The following AP3B1 variants were observed in gnomAD, a reference collection of about 807,000 sequenced individuals.
AP3B1 encodes AP-3 complex subunit beta-1.
A neutral mutation model predicts 132.5 loss-of-function variants in AP3B1; 61 were observed. That is an observed-to-expected ratio of 0.46 (90% CI 0.37 to 0.57). AP3B1 has a LOEUF of 0.57. AP3B1 is among the 20% of genes least tolerant of loss of function. The probability of loss-of-function intolerance (pLI) is 0.00; values close to 1 mark genes in which losing one functional copy is unlikely to be tolerated. For synonymous variants in AP3B1, 388 were observed against 438.3 expected (o/e 0.89, Z 1.43); for missense variants, 1,120 against 1,289.4 (o/e 0.87, Z 2.01).
chr5:78,281,727 T>C (rs1197224409), intron 1 of AP3B1, among the ~76,000 whole-genome samples: 1 of 152,088 alleles, frequency 6.6e-6, no homozygotes, highest in Admixed American at 6.5e-5. Context: ...TGTGTGTATG[T>C]AGGAATAGGA....
At chr5:78,001,576 C>T (rs977829270), downstream of AP3B1, 3 of 152,208 alleles carry the variant, frequency 2.0e-5, no homozygotes, top group Non-Finnish European at 4.4e-5. Flanking sequence ...TTTGTTTACT[C>T]TTGTCATCCC....
At chr5:78,000,683 T>G (rs1746181864), downstream of AP3B1, 1 of 152,172 alleles carries the variant, frequency 6.6e-6, no homozygotes, top group South Asian at 2.1e-4. Context: ...TCAAGATTGG[T>G]GTACATAAAA....
intron 3 of AP3B1, among the ~76,000 whole-genome samples, chr5:78,234,666 G>A (rs1746796106): frequency 6.6e-6 from 1 of 152,176 alleles, no homozygotes; most frequent in African/African-American, 2.4e-5. Context: ...GTGAACTTGA[G>A]GCTATTTAGT....
chr5:78,280,683 A>C lies in AP3B1; in HGVS notation c.129-13088T>G, dbSNP rs559935102. 2.4e-4 allele frequency among the ~76,000 whole-genome samples: 37 copies of C among 152,032 alleles called. No individual in the cohort carries two copies. The East Asian group carries it at 2.9e-3, about 12-fold the overall frequency. On this transcript the variant is annotated intron_variant, in intron 1 of 26. Coordinates refer to ENST00000255194, the MANE Select transcript of AP3B1 (RefSeq NM_003664.5). Reference sequence around the variant, plus strand: ...AGATTAATTTTTAAATTCTTTAAAAAAACAACAACAACAACAACTTTCCAA... The same window carrying C: ...AGATTAATTTTTAAATTCTTTAAAACAACAACAACAACAACAACTTTCCAA...
intron 3 of AP3B1, among the ~76,000 whole-genome samples, chr5:78,232,863 C>T (rs150410976): frequency 0.012 from 1,767 of 152,178 alleles, 38 homozygotes; most frequent in African/African-American, 0.04. Flanking sequence ...CACACCACCA[C>T]GCCCAGCTAA....
At chr5:78,216,458 G>A (rs996824700) in intron 6 of AP3B1, among the ~76,000 whole-genome samples, 9 of 152,108 alleles carry the variant, frequency 5.9e-5, no homozygotes, top group South Asian at 2.1e-4. Context: ...CTATTCTGAA[G>A]AGAAGTAAAT....
intron 2 of AP3B1, among the ~76,000 whole-genome samples, chr5:78,257,644 A>G (rs1747904396): frequency 6.6e-6 from 1 of 152,216 alleles, no homozygotes; most frequent in African/African-American, 2.4e-5. Flanking sequence ...TACCAAAGAC[A>G]TTCTTCATAG....
At chr5:78,228,778 A>G (rs1006467224) in intron 3 of AP3B1, among the ~76,000 whole-genome samples, 1 of 152,222 alleles carries the variant, frequency 6.6e-6, no homozygotes, top group Non-Finnish European at 1.5e-5. Flanking sequence ...AAGAGTCCAG[A>G]GCCCTAACTC....
intron 2 of AP3B1, among the ~76,000 whole-genome samples, chr5:78,241,290 C>T (rs1248625788): frequency 1.3e-5 from 2 of 152,024 alleles, no homozygotes; most frequent in South Asian, 4.2e-4. Context: ...CTTCGACCTC[C>T]CAGGTTTAAG....
At chr5:78,215,004 GCTAATACTAAATCAA>G (rs1745898425) in intron 7 of AP3B1, among the ~76,000 whole-genome samples, 1 of 151,946 alleles carries the variant, frequency 6.6e-6, no homozygotes, top group African/African-American at 2.4e-5. Flanking sequence ...AGTTTTTAAT[GCTAATACTAAATCAA>G]TATAGAAAAT....
chr5:78,203,377 G>C (rs772636103), intron 7 of AP3B1, among the ~76,000 whole-genome samples: 3 of 152,106 alleles, frequency 2.0e-5, no homozygotes, highest in Non-Finnish European at 4.4e-5. Context: ...AGAGTGAAGG[G>C]GAAAGCCCCT....
chr5:78,187,384 A>G (rs1744645396), intron 7 of AP3B1, among the ~76,000 whole-genome samples: 1 of 152,176 alleles, frequency 6.6e-6, no homozygotes, highest in Admixed American at 6.5e-5. Flanking sequence ...CAAAATCATC[A>G]AAATGTACAT....
chr5:78,075,676 G>A (rs1414827933), intron 22 of AP3B1, among the ~76,000 whole-genome samples: 1 of 152,210 alleles, frequency 6.6e-6, no homozygotes, highest in Non-Finnish European at 1.5e-5. Flanking sequence ...ACCACTCTGG[G>A]TGCCCAAATT....
intron 1 of AP3B1, among the ~76,000 whole-genome samples, chr5:78,279,577 C>A (rs577710941): frequency 1.3e-5 from 2 of 151,870 alleles, no homozygotes; most frequent in East Asian, 3.9e-4. Flanking sequence ...CACCATACTA[C>A]GCTGTCAATT....
intron 7 of AP3B1, among the ~76,000 whole-genome samples, chr5:78,189,360 T>C (rs1744732445): frequency 6.6e-6 from 1 of 152,218 alleles, no homozygotes; most frequent in South Asian, 2.1e-4. Flanking sequence ...ATGGTTTGAT[T>C]TTAATATGCA....
chr5:78,022,946 A>C (rs1423174890), intron 24 of AP3B1, among the ~76,000 whole-genome samples: 1 of 152,228 alleles, frequency 6.6e-6, no homozygotes, highest in Non-Finnish European at 1.5e-5. Context: ...TCACACAGCT[A>C]GTAACTGACA....
chr5:78,129,232 A>C lies in AP3B1; in HGVS notation c.1726T>G (p.Phe576Val). 1 of 1,613,454 alleles carries C rather than the reference A, an allele frequency of 6.2e-7. No homozygotes were observed. ...TTCGGAACAATAAGCTGCCTAATAAATCTTGTACGGTCTCTGATGTCGTAG... is the reference window on the plus strand; with the variant it reads ...TTCGGAACAATAAGCTGCCTAATAACTCTTGTACGGTCTCTGATGTCGTAG... ...QNYDIRDRTR[F>V]IRQLIVPNVK... The change falls in exon 16 of 27, where the codon TTT becomes GTT. Residue 576 changes from phenylalanine to valine, a missense_variant. Transcript: ENST00000255194.
chr5:78,281,457 A>AC (rs1428187994), intron 1 of AP3B1, among the ~76,000 whole-genome samples: 14 of 148,306 alleles, frequency 9.4e-5, no homozygotes, highest in African/African-American at 3.5e-4. Flanking sequence ...AAAAAAAAAA[A>AC]CAGTTCTCAT....
chr5:78,163,399 G>A (rs1160538729), intron 12 of AP3B1, among the ~76,000 whole-genome samples: 1 of 151,974 alleles, frequency 6.6e-6, no homozygotes, highest in Non-Finnish European at 1.5e-5. Context: ...GGGACCAGTA[G>A]GCTATTTACA....
Sources: gnomAD v4.1 joint callset for allele counts (sites outside exome capture counted in the v4.1 genomes callset) on GRCh38, gnomAD v4.1.1 for gene constraint, MANE v1.5 for transcripts, NCBI Gene and HGNC (gene_info 2026-07-23, HGNC 2026-07-21) for gene names.